The following ARHGEF3 variants were observed in gnomAD, a reference collection of about 807,000 sequenced individuals.
ARHGEF3 encodes the protein Rho guanine nucleotide exchange factor 3.
Under a neutral mutation model 63.2 loss-of-function variants are expected in ARHGEF3, and 28 were observed. That is an observed-to-expected ratio of 0.44 (90% confidence interval 0.33 to 0.61). ARHGEF3 has a LOEUF of 0.61. Among genes scored for constraint, ARHGEF3 ranks in the 20% least tolerant of loss-of-function variants. The probability of loss-of-function intolerance (pLI) is 0.03; values close to 1 mark genes in which losing one functional copy is unlikely to be tolerated. For synonymous variants in ARHGEF3, 266 were observed against 254.2 expected (o/e 1.05, Z -0.44); for missense variants, 533 against 659.3 (o/e 0.81, Z 2.10).
chr3:56,734,445 C>A (rs767844927), intron 8 of ARHGEF3, among the ~76,000 whole-genome samples: 11 of 152,062 alleles, frequency 7.2e-5, no homozygotes, highest in Non-Finnish European at 1.3e-4. Flanking sequence ...GTGAGAGGGG[C>A]AAGGGCTGAA....
At chr3:57,038,882 G>A (rs4681943) in intron 1 of ARHGEF3, among the ~76,000 whole-genome samples, 101,058 of 152,102 alleles carry the variant, frequency 0.66, 33,754 homozygotes, top group African/African-American at 0.71. Context: ...TACCCATTTT[G>A]CAGATGGCAA....
At chr3:56,867,431 GA>G (rs1266519936) in intron 4 of ARHGEF3, among the ~76,000 whole-genome samples, 7 of 151,998 alleles carry the variant, frequency 4.6e-5, no homozygotes, top group Non-Finnish European at 8.8e-5. Context: ...GATAAGAAGA[GA>G]GGGGAGTGCC....
chr3:56,866,989 G>A (rs2108210016), intron 4 of ARHGEF3, among the ~76,000 whole-genome samples: 1 of 152,256 alleles, frequency 6.6e-6, no homozygotes, highest in East Asian at 1.9e-4. Flanking sequence ...CTTGTCTTTA[G>A]CCTGACTTAT....
intron 4 of ARHGEF3, among the ~76,000 whole-genome samples, chr3:56,816,551 T>C (rs1353958016): frequency 6.6e-6 from 1 of 152,246 alleles, no homozygotes; most frequent in Non-Finnish European, 1.5e-5. Context: ...TGCCAAAAGA[T>C]GCCTGGCAAG....
intron 4 of ARHGEF3, among the ~76,000 whole-genome samples, chr3:56,829,594 C>G (rs1374698044): frequency 6.6e-6 from 1 of 152,208 alleles, no homozygotes; most frequent in African/African-American, 2.4e-5. Flanking sequence ...AGAACATCTG[C>G]CAACCCCCAC....
chr3:56,794,819 A>C (rs1053532336), intron 1 of ARHGEF3, among the ~76,000 whole-genome samples: 13 of 152,016 alleles, frequency 8.6e-5, no homozygotes, highest in Non-Finnish European at 1.6e-4. Flanking sequence ...GTATTATTTA[A>C]ATTGTTGTAT....
intron 1 of ARHGEF3, chr3:57,073,529 CTGTTTGA>C: frequency 8.4e-7 from 1 of 1,190,208 alleles, no homozygotes; most frequent in Admixed American, 3.0e-5. Flanking sequence ...GGGTTTGGCT[CTGTTTGA>C]GCACCCCGGG....
chr3:56,835,753 C>T (rs900568279), intron 4 of ARHGEF3, among the ~76,000 whole-genome samples: 2 of 152,104 alleles, frequency 1.3e-5, no homozygotes, highest in African/African-American at 4.8e-5. Flanking sequence ...GAACATGACC[C>T]ATAAAGTCCA....
chr3:56,916,450 C>T, intron 3 of ARHGEF3: 1 of 1,423,580 alleles, frequency 7.0e-7, no homozygotes, highest in Non-Finnish European at 9.2e-7. Context: ...GAAGGAACTC[C>T]TCCCCGCCAC....
chr3:56,939,387 C>T (rs761565294), intron 3 of ARHGEF3, among the ~76,000 whole-genome samples: 1 of 152,118 alleles, frequency 6.6e-6, no homozygotes, highest in African/African-American at 2.4e-5. Flanking sequence ...ACTACCATGA[C>T]ATTTTTGTGT....
intron 4 of ARHGEF3, among the ~76,000 whole-genome samples, chr3:56,861,973 A>C (rs1578702447): frequency 6.6e-6 from 1 of 151,954 alleles, no homozygotes; most frequent in South Asian, 2.1e-4. Flanking sequence ...AATGATCCCT[A>C]AAACCTATAC....
intron 1 of ARHGEF3, among the ~76,000 whole-genome samples, chr3:56,774,318 A>G (rs1048665807): frequency 6.6e-6 from 1 of 152,182 alleles, no homozygotes; most frequent in Non-Finnish European, 1.5e-5. Flanking sequence ...AAAAAAATTT[A>G]AAAAAGAAGT....
intron 4 of ARHGEF3, among the ~76,000 whole-genome samples, chr3:56,835,999 G>A (rs1035562499): frequency 6.6e-6 from 1 of 152,134 alleles, no homozygotes; most frequent in African/African-American, 2.4e-5. Context: ...AAAAACTGTT[G>A]GTGTTTAGCA....
At position 56,969,380 on chromosome 3, in the gene ARHGEF3, T is replaced by A. The variant is rs1424450233; in HGVS notation, c.63-10491A>T. ...TTTATATAAAGAAGTGTTCTTTTTT[T>A]CTTATTGATTGATCAATAAGAATTT... On this transcript the variant is annotated intron_variant, in intron 2 of 12. Coordinates refer to the ARHGEF3 transcript ENST00000338458. Among the ~76,000 whole-genome samples, 11 of 151,938 alleles carry A rather than the reference T, an allele frequency of 7.2e-5. 1 individual carries two copies. Among genetic ancestry groups the A allele is most frequent in the East Asian group, 1.9e-4 (1 of 5,182 alleles).
At chr3:57,013,301 G>A (rs985520154) in intron 2 of ARHGEF3, among the ~76,000 whole-genome samples, 1 of 152,258 alleles carries the variant, frequency 6.6e-6, no homozygotes, top group African/African-American at 2.4e-5. Context: ...CCTGGCATGG[G>A]ATCCACTAGG....
intron 2 of ARHGEF3, among the ~76,000 whole-genome samples, chr3:56,996,720 G>A (rs751442682): frequency 1.4e-4 from 22 of 152,108 alleles, no homozygotes; most frequent in Non-Finnish European, 2.8e-4. Context: ...AGACAGCAAG[G>A]CCCCGTATCT....
rs968618762 is a variant in ARHGEF3, at chr3:56,994,653, G to A, written c.63-35764C>T. 3.3e-5 allele frequency among the ~76,000 whole-genome samples: 5 copies of A among 151,894 alleles called. No individual in the cohort carries two copies. The East Asian group carries it at 9.6e-4, about 29-fold the overall frequency. On this transcript the variant is annotated intron_variant, in intron 2 of 12. Transcript: ENST00000338458. ...TCAAGATACTAGCAACGGTATGGAT[G>A]GGTAATCTTTTCATATTTTTCTCAT...
intron 1 of ARHGEF3, among the ~76,000 whole-genome samples, chr3:57,054,623 A>C (rs1052800736): frequency 4.0e-5 from 6 of 149,310 alleles, no homozygotes; most frequent in African/African-American, 1.5e-4. Flanking sequence ...TGGGTGACAG[A>C]GTGAGACCCC....
intron 4 of ARHGEF3, among the ~76,000 whole-genome samples, chr3:56,833,274 C>T (rs767375630): frequency 2.6e-5 from 4 of 152,156 alleles, no homozygotes; most frequent in Non-Finnish European, 5.9e-5. Context: ...TTTCCCTCCT[C>T]TTTTTAAAAA....
Sources: gnomAD v4.1 joint callset for allele counts (sites outside exome capture counted in the v4.1 genomes callset) on GRCh38, gnomAD v4.1.1 for gene constraint, MANE v1.5 for transcripts, NCBI Gene and HGNC (gene_info 2026-07-23, HGNC 2026-07-21) for gene names.